MCTP1: variants seen among roughly 807,000 people sequenced by gnomAD.
MCTP1 encodes multiple C2 and transmembrane domain-containing protein 1.
MCTP1 carries 69 observed loss-of-function variants against 120.6 expected under a neutral mutation model. The observed-to-expected ratio is 0.57, with a 90% CI of 0.47 to 0.70. The LOEUF is 0.70. Ranked by LOEUF, MCTP1 falls within the 30% of genes least tolerant of loss-of-function variation. The probability of loss-of-function intolerance (pLI) is 0.00; values close to 1 mark genes in which losing one functional copy is unlikely to be tolerated. For missense variants in MCTP1, 1,203 were observed against 1,248.8 expected (o/e 0.96, Z 0.55); for synonymous variants, 529 against 493.1 (o/e 1.07, Z -0.96).
chr5:94,967,967 T>A (rs895601460), intron 2 of MCTP1, among the ~76,000 whole-genome samples: 5 of 152,224 alleles, frequency 3.3e-5, no homozygotes, highest in Non-Finnish European at 5.9e-5. Flanking sequence ...TAGCCAAGTA[T>A]TAAAAAGAAA....
chr5:94,857,952 T>C (rs1201993668), intron 17 of MCTP1, among the ~76,000 whole-genome samples: 1 of 151,748 alleles, frequency 6.6e-6, no homozygotes, highest in African/African-American at 2.4e-5. Flanking sequence ...ATCCATATAA[T>C]TTTAAAGGCA....
At chr5:94,873,101 C>A (rs1363405168) in intron 13 of MCTP1, 38 bp downstream of exon 13, 1 of 1,160,342 alleles carries the variant, frequency 8.6e-7, no homozygotes, top group African/African-American at 1.5e-5. Context: ...AAATTTAACA[C>A]AATTTTGGAT....
At chr5:94,929,739 C>A in intron 6 of MCTP1, 1 of 934,796 alleles carries the variant, frequency 1.1e-6, no homozygotes, top group Non-Finnish European at 1.3e-6. Context: ...AAATGTCAAA[C>A]TTTCCCCCGA....
chr5:94,912,466 A>C (rs469883), intron 9 of MCTP1, among the ~76,000 whole-genome samples: 1 of 92,038 alleles, frequency 1.1e-5, no homozygotes, highest in Non-Finnish European at 2.3e-5. Flanking sequence ...AAAAAAAAAA[A>C]GCCGCACTCT....
At chr5:94,908,454 T>C (rs773897859) in intron 10 of MCTP1, among the ~76,000 whole-genome samples, 1 of 152,090 alleles carries the variant, frequency 6.6e-6, no homozygotes, top group Non-Finnish European at 1.5e-5. Flanking sequence ...TCTTAGTATG[T>C]ATAAATTTTC....
rs556629814 is a variant in MCTP1, at chr5:94,912,791, T to C, written c.1521+15A>G. The C allele has an allele frequency of 2.0e-6, 3 of 1,533,242 alleles. No individual in the cohort carries two copies. The highest frequency in any genetic ancestry group is 1.7e-4 in the Middle Eastern group (1 of 5,854). The allele number at this position is 1,533,242 out of a possible 1,614,324, so 95.0% of individuals were successfully genotyped here. On this transcript the variant is annotated intron_variant, in intron 9 of 22. Transcript: ENST00000515393. ...CTTCCAAATATTGACAGGAACACAA[T>C]AGAGACAAGGTTACCTTGCTCTTGT...
chr5:95,012,813 C>T (rs554874317), intron 2 of MCTP1, among the ~76,000 whole-genome samples: 2 of 152,088 alleles, frequency 1.3e-5, no homozygotes, highest in Non-Finnish European at 2.9e-5. Flanking sequence ...ACCTGAGACA[C>T]AACATTACCG....
intron 17 of MCTP1, among the ~76,000 whole-genome samples, chr5:94,847,682 G>GTATATATATATA (rs373174876): frequency 2.0e-5 from 2 of 102,404 alleles, no homozygotes; most frequent in African/African-American, 7.7e-5. Context: ...GTGTGTGTGT[G>GTATATATATATA]TATATATATA....
chr5:95,261,374 T>G (rs1758456662), intron 1 of MCTP1, among the ~76,000 whole-genome samples: 1 of 152,230 alleles, frequency 6.6e-6, no homozygotes, highest in Admixed American at 6.5e-5. Flanking sequence ...TACAGTGTGA[T>G]TCTGTAGCTG....
At chr5:95,128,379 AT>A in intron 1 of MCTP1, among the ~76,000 whole-genome samples, 1 of 152,386 alleles carries the variant, frequency 6.6e-6, no homozygotes, top group South Asian at 2.1e-4. Flanking sequence ...ATAAACATTC[AT>A]GTTAGCATTA....
At chr5:94,985,197 A>C (rs576690603) in intron 2 of MCTP1, among the ~76,000 whole-genome samples, 6 of 152,278 alleles carry the variant, frequency 3.9e-5, no homozygotes, top group African/African-American at 1.4e-4. Flanking sequence ...GCACCAGAAA[A>C]CTTCATGAGT....
At chr5:94,866,628 G>A (rs1412790671) in intron 17 of MCTP1, among the ~76,000 whole-genome samples, 1 of 149,694 alleles carries the variant, frequency 6.7e-6, no homozygotes, top group East Asian at 2.0e-4. Context: ...TACCAGCTAA[G>A]AGAACTATTA....
chr5:95,188,301 A>G (rs908002329), intron 1 of MCTP1, among the ~76,000 whole-genome samples: 2 of 152,226 alleles, frequency 1.3e-5, no homozygotes, highest in Non-Finnish European at 2.9e-5. Flanking sequence ...CGGTGCAATG[A>G]TGCTGGAAAT....
chr5:95,152,720 G>T (rs751852600), intron 1 of MCTP1, among the ~76,000 whole-genome samples: 2 of 152,150 alleles, frequency 1.3e-5, no homozygotes, highest in Non-Finnish European at 2.9e-5. Context: ...TTTGTGTGGA[G>T]TTTGCTGAAG....
intron 2 of MCTP1, among the ~76,000 whole-genome samples, chr5:94,983,691 CTA>C: frequency 6.6e-6 from 1 of 152,090 alleles, no homozygotes. Flanking sequence ...ATCTATCTAT[CTA>C]TCTATTGGTT....
intron 2 of MCTP1, among the ~76,000 whole-genome samples, chr5:94,982,625 G>C (rs143985731): frequency 6.6e-6 from 1 of 151,954 alleles, no homozygotes; most frequent in Non-Finnish European, 1.5e-5. Context: ...AGATGGTCAC[G>C]CACCTGTAAT....
chr5:94,715,724 A>G (rs1758990101), intron 19 of MCTP1, among the ~76,000 whole-genome samples: 1 of 152,174 alleles, frequency 6.6e-6, no homozygotes, highest in Admixed American at 6.5e-5. Flanking sequence ...ACAATTGAAA[A>G]TTCTGCTTAG....
chr5:95,119,162 G>C (rs1758025727), intron 1 of MCTP1, among the ~76,000 whole-genome samples: 1 of 152,052 alleles, frequency 6.6e-6, no homozygotes. Flanking sequence ...AAACATTCAA[G>C]AAAACTGAAA....
chr5:94,757,119 G>A (rs1770089615), intron 19 of MCTP1, among the ~76,000 whole-genome samples: 1 of 152,168 alleles, frequency 6.6e-6, no homozygotes, highest in African/African-American at 2.4e-5. Context: ...GAAGAAATGA[G>A]ATAACGCACA....
Sources: allele counts gnomAD v4.1 joint callset (sites outside exome capture counted in the v4.1 genomes callset), GRCh38; gene constraint gnomAD v4.1.1; transcripts MANE v1.5; gene names NCBI Gene and HGNC (gene_info 2026-07-23, HGNC 2026-07-21).